The following COL5A1 variants were observed in gnomAD, a reference collection of about 807,000 sequenced individuals.
COL5A1 encodes collagen alpha-1(V) chain.
COL5A1 carries 16 observed loss-of-function variants against 263.7 expected under a neutral mutation model. That is an observed-to-expected ratio of 0.06 (90% CI 0.04 to 0.09). COL5A1 has a LOEUF of 0.09. COL5A1 is among the 10% of genes least tolerant of loss of function. The probability of loss-of-function intolerance (pLI) is 1.00; values close to 1 mark genes in which losing one functional copy is unlikely to be tolerated. For missense variants in COL5A1, 2,036 were observed against 2,540.5 expected, an observed-to-expected ratio of 0.80 and a Z score of 4.27; for synonymous variants, 1,012 against 1,004.5, an observed-to-expected ratio of 1.01 and a Z score of -0.14.
chr9:134,752,841 G>C (rs941754915), intron 14 of COL5A1, among the ~76,000 whole-genome samples, 196 bp downstream of exon 14: 13 of 152,108 alleles, frequency 8.5e-5, no homozygotes, highest in African/African-American at 2.4e-5. Flanking sequence ...TTGTTGGTGG[G>C]GGGTGGGGAT....
chr9:134,822,139 C>T lies in COL5A1; in HGVS notation c.4597C>T (p.Pro1533Ser). Residue 1533 changes from proline (P) to serine (S), a missense_variant, in exon 59 of 66, where the codon CCT (proline) becomes TCT (serine). Coordinates refer to ENST00000371817, the MANE Select transcript of COL5A1 (RefSeq NM_000093.5). ...PSGPIGPPGP[P>S]GLPGPPGPKG... ...TGGCCCGATTGGGCCTCCTGGGCCC[C>T]CTGGCCTGCCGGTGTGTATCTGGGA... The T allele has an allele frequency of 6.2e-7, 1 of 1,613,548 alleles. No individual in the cohort carries two copies. Among genetic ancestry groups the T allele is most frequent in the African/African-American group, 1.3e-5 (1 of 75,032 alleles).
intron 1 of COL5A1, chr9:134,649,672 C>A (rs1032168173): frequency 2.6e-6 from 1 of 387,210 alleles, no homozygotes; most frequent in Non-Finnish European, 5.0e-6. Context: ...ACCTGGTGAT[C>A]CCATTACTGG....
Position 134,699,955 on chromosome 9 carries a change from C to A in COL5A1, c.324C>A (p.Ala108=). 1 of 1,614,004 alleles carries A rather than the reference C, an allele frequency of 6.2e-7. No individual in the cohort carries two copies. The highest frequency in any genetic ancestry group is 8.5e-7 in the Non-Finnish European group (1 of 1,180,048). The stretch of plus-strand genomic sequence containing the variant: ...TCTCCATCCTAACAACTGTGAAAGC[C>A]AAGAAAGGCAGCCAGGCCTTCCTGG... ...EDFSILTTVK[A]KKGSQAFLVS... is the part of the protein sequence containing the mutation. The change falls in exon 3 of 66, where the codon GCC becomes GCA. Residue 108 remains alanine (A), a synonymous_variant. Coordinates refer to ENST00000371817, the MANE Select transcript of COL5A1 (RefSeq NM_000093.5).
rs185636284 is a variant in COL5A1, at chr9:134,818,415, C to T, written c.4231-241C>T. On this transcript the variant is annotated intron_variant, in intron 54 of 65. Transcript: ENST00000371817. This position sits in a 1 kb window ranked among gnomAD's most constrained non-coding sequence, Gnocchi z 6.0. ...GCTCGGGCAGTGGCGCTGTGACACC[C>T]GGTCTGTGGTCGGCGCAGTCAGCGG... Among the ~76,000 whole-genome samples the T allele has an allele frequency of 2.1e-3, 313 of 152,296 alleles. 2 individuals carry two copies. Among genetic ancestry groups the T allele is most frequent in the African/African-American group, 7.0e-3 (293 of 41,570 alleles).
intron 63 of COL5A1, among the ~76,000 whole-genome samples, chr9:134,828,059 C>T (rs1231872186): frequency 6.6e-6 from 1 of 152,208 alleles, no homozygotes; most frequent in East Asian, 1.9e-4. Flanking sequence ...TGGCGCACAA[C>T]GTGAGCCCCA....
At chr9:134,771,173 G>A (rs768863693) in intron 25 of COL5A1, among the ~76,000 whole-genome samples, 3 of 152,382 alleles carry the variant, frequency 2.0e-5, no homozygotes, top group South Asian at 2.1e-4. Context: ...TCGAGCAGCC[G>A]GGGCTGGGTC....
chr9:134,810,659 A>T (rs766054803), intron 44 of COL5A1, among the ~76,000 whole-genome samples: 1 of 152,142 alleles, frequency 6.6e-6, no homozygotes, highest in Non-Finnish European at 1.5e-5. Context: ...CATTGACCAA[A>T]TGCCTGTTCA....
rs770173348 is a variant in COL5A1, at chr9:134,728,805, G to A, written c.922G>A (p.Glu308Lys). 9.3e-6 allele frequency: 15 copies of A among 1,614,098 alleles called. No homozygotes were observed. Among genetic ancestry groups the A allele is most frequent in the Middle Eastern group, 3.3e-4 (2 of 6,062 alleles). The part of the protein sequence containing the change: ...EAAKETTEVP[E>K]ELTPTPTEAA... ...TGCCAAAGAAACCACAGAGGTCCCC[G>A]AGGTCTGGGCTGAGCGGGGGACTGG... The change falls in exon 6 of 66, where the codon GAG (glutamate) becomes AAG (lysine). Residue 308 changes from glutamate to lysine, a missense_variant and splice_region_variant. Glu to Lys is a moderately conservative substitution (Grantham distance 56). This residue lies in a region of COL5A1 where 600 missense variants were observed against 634.5 expected (regional missense o/e 0.95). Transcript: ENST00000371817.
Position 134,732,126 on chromosome 9 carries a change from C to A in COL5A1, c.1388C>A (p.Pro463Gln). 6.2e-7 allele frequency: 1 copy of A among 1,614,220 alleles called. No individual in the cohort carries two copies. Among genetic ancestry groups the A allele is most frequent in the East Asian group, 2.2e-5 (1 of 44,888 alleles). ...AAGGGAGAACCAGCGATTATCGAGC[C>A]GGTGAGGACATTTTCTCATTCCCTC... ...GQKGEPAIIE[P>Q]GMLIEGPPGP... The change falls in exon 9 of 66, where the codon CCG becomes CAG. Residue 463 changes from proline to glutamine, a missense_variant and splice_region_variant. Coordinates refer to ENST00000371817, the MANE Select transcript of COL5A1 (RefSeq NM_000093.5).
chr9:134,727,062 T>TGAGTGAAC (rs1196522376), intron 4 of COL5A1, among the ~76,000 whole-genome samples: 4 of 146,252 alleles, frequency 2.7e-5, no homozygotes, highest in Non-Finnish European at 1.5e-5. Context: ...GATGGATGGA[T>TGAGTGAAC]GGATGGATGG....
intron 1 of COL5A1, among the ~76,000 whole-genome samples, chr9:134,657,751 C>G (rs1832065553): frequency 6.7e-6 from 1 of 149,154 alleles, no homozygotes; most frequent in Non-Finnish European, 1.5e-5. Context: ...GGTGCCAGGC[C>G]TGACGGGGAA....
At position 134,642,114 on chromosome 9, in the gene COL5A1, C is replaced by T; in HGVS notation, c.-74C>T. 1 of 1,207,338 alleles carries T rather than the reference C, an allele frequency of 8.3e-7. No individual in the cohort carries two copies. The highest frequency in any genetic ancestry group is 1.0e-6 in the Non-Finnish European group (1 of 966,734). 74.8% of individuals were successfully genotyped at this position (1,207,338 alleles called of 1,614,324 possible). On this transcript the variant is annotated 5_prime_UTR_variant, in exon 1 of 66. Transcript: ENST00000371817. This position sits in a 1 kb window ranked among gnomAD's most constrained non-coding sequence, Gnocchi z 4.5. ...GTCCCTGCTGAGTGCGCTGCCCGGGCCGTGACCCGCGCCCCTGTGCGTCCC... is the reference window on the plus strand; with the variant it reads ...GTCCCTGCTGAGTGCGCTGCCCGGGTCGTGACCCGCGCCCCTGTGCGTCCC...
In COL5A1 at chr9:134,754,420, G is replaced by T. The variant is rs78098946; in HGVS notation, c.1827+94G>T. On this transcript the variant is annotated intron_variant, in intron 16 of 65. Transcript: ENST00000371817. The surrounding 1 kb of genome is among the most constrained non-coding windows in gnomAD (Gnocchi z 4.3). ...GCGGGCACCCCCAACAGCCAGCTGG[G>T]CCACATGAAGCCAGGTGGCTCCCCT... is the stretch of plus-strand genomic sequence containing the variant. 55,316 of 1,394,048 alleles carry T rather than the reference G, an allele frequency of 0.04. 1,283 individuals carry two copies. The highest frequency in any genetic ancestry group is 0.046 in the Non-Finnish European group (44,803 of 982,212). The allele number at this position is 1,394,048 out of a possible 1,614,324, so 86.4% of individuals were successfully genotyped here. A position where few individuals can be genotyped will look rare whatever the true frequency, so the allele number is the denominator to read the frequency against.
At chr9:134,735,621 C>T (rs939686587) in intron 9 of COL5A1, among the ~76,000 whole-genome samples, 2 of 152,212 alleles carry the variant, frequency 1.3e-5, no homozygotes, top group South Asian at 2.1e-4. Flanking sequence ...TCCCCGCCCG[C>T]GTTGCCCCAG....
chr9:134,780,687 A>T (rs2132761320), intron 28 of COL5A1, among the ~76,000 whole-genome samples: 1 of 152,318 alleles, frequency 6.6e-6, no homozygotes, highest in African/African-American at 2.4e-5. Context: ...AGACAAAGCT[A>T]AACTACACCC....
Position 134,742,677 on chromosome 9 carries a change from G to A in COL5A1, c.1494+3869G>A, listed in dbSNP as rs969925082. ...CCCTCTCTGGCCTGGGTTTCTTGTG[G>A]GTCTGGCTTCTGTGCCACCTGCCAG... On this transcript the variant is annotated intron_variant, in intron 11 of 65. Transcript: ENST00000371817. The surrounding 1 kb of genome is among the most constrained non-coding windows in gnomAD (Gnocchi z 4.6). Among the ~76,000 whole-genome samples the A allele has an allele frequency of 6.6e-5, 10 of 152,224 alleles. No individual in the cohort carries two copies. Among genetic ancestry groups the A allele is most frequent in the Non-Finnish European group, 1.5e-4 (10 of 68,042 alleles).
chr9:134,781,863 G>C (rs571412409), intron 28 of COL5A1, among the ~76,000 whole-genome samples: 1 of 152,202 alleles, frequency 6.6e-6, no homozygotes, highest in Non-Finnish European at 1.5e-5. Flanking sequence ...CCTCCCTTGC[G>C]TGTGCCCCCA....
chr9:134,810,085 A>G (rs569312977), intron 43 of COL5A1, among the ~76,000 whole-genome samples, 170 bp from the exon 44 acceptor site: 3 of 152,378 alleles, frequency 2.0e-5, no homozygotes, highest in South Asian at 2.1e-4. Flanking sequence ...TAGCCCTTGT[A>G]TTAAAAAGGA....
At chr9:134,718,247 C>T (rs370573586) in intron 4 of COL5A1, among the ~76,000 whole-genome samples, 3 of 152,230 alleles carry the variant, frequency 2.0e-5, no homozygotes, top group Admixed American at 6.5e-5. Context: ...ACCCATCTTC[C>T]GTCGAACGTG....
Sources: gnomAD v4.1 joint callset for allele counts (sites outside exome capture counted in the v4.1 genomes callset) on GRCh38, gnomAD v4.1.1 for gene constraint, gnomAD v4.1.1 regional missense constraint, Gnocchi (gnomAD v3.1) non-coding constraint, MANE v1.5 for transcripts, NCBI Gene and HGNC (gene_info 2026-07-23, HGNC 2026-07-21) for gene names.